SEMA3A: variants seen among roughly 807,000 people sequenced by gnomAD.
SEMA3A encodes semaphorin 3A.
Under a neutral mutation model 97.9 loss-of-function variants are expected in SEMA3A, and 29 were observed. The ratio of observed to expected loss-of-function variants is 0.30; its 90% CI spans 0.22 to 0.40. SEMA3A has a LOEUF of 0.40. SEMA3A is among the 10% of genes least tolerant of loss of function. The pLI, the probability that SEMA3A is intolerant of heterozygous loss-of-function variation, is 1.00. For missense variants in SEMA3A, 763 were observed against 951.3 expected (o/e 0.80, Z 2.60); for synonymous variants, 321 against 323.7 (o/e 0.99, Z 0.09).
Position 84,278,901 on chromosome 7 carries a change from A to G in SEMA3A, c.-83+28306T>C, listed in dbSNP as rs1800373848. On this transcript the variant is annotated intron_variant, in intron 3 of 3. Coordinates refer to the SEMA3A transcript ENST00000424555. ...GGGACACATATCCAAACCATATCAC[A>G]TGTCAAAATGACTAAGGATCTAGCA... 5.3e-5 allele frequency among the ~76,000 whole-genome samples: 8 copies of G among 152,236 alleles called. No homozygotes were observed. The South Asian group carries it at 1.7e-3, about 32-fold the overall frequency.
At chr7:84,473,906 T>A (rs1160659432) in intron 1 of SEMA3A, among the ~76,000 whole-genome samples, 3 of 152,164 alleles carry the variant, frequency 2.0e-5, no homozygotes, top group Non-Finnish European at 4.4e-5. Flanking sequence ...TAGTTCTATT[T>A]TCCATACCTT....
chr7:84,311,313 A>G (rs1801310527), intron 2 of SEMA3A, among the ~76,000 whole-genome samples: 1 of 151,922 alleles, frequency 6.6e-6, no homozygotes, highest in Non-Finnish European at 1.5e-5. Flanking sequence ...TCTAACAAAT[A>G]TACACTTTAT....
At chr7:84,349,997 A>G (rs181215079) in intron 2 of SEMA3A, among the ~76,000 whole-genome samples, 2 of 152,196 alleles carry the variant, frequency 1.3e-5, no homozygotes, top group African/African-American at 4.8e-5. Flanking sequence ...TGGAAAAAAA[A>G]CATCCTCTCT....
chr7:84,130,381 A>G (rs1161499881), intron 2 of SEMA3A, among the ~76,000 whole-genome samples: 1 of 152,130 alleles, frequency 6.6e-6, no homozygotes, highest in East Asian at 1.9e-4. Context: ...GTGTATGATG[A>G]CTTGATAAAT....
intron 1 of SEMA3A, among the ~76,000 whole-genome samples, chr7:84,150,820 C>G (rs1309934537): frequency 6.6e-6 from 1 of 151,990 alleles, no homozygotes; most frequent in Non-Finnish European, 1.5e-5. Flanking sequence ...GCAGTAACCT[C>G]TGCAGACTTA....
chr7:84,048,623 G>A (rs1158761919), intron 5 of SEMA3A, among the ~76,000 whole-genome samples: 3 of 151,672 alleles, frequency 2.0e-5, no homozygotes, highest in South Asian at 2.1e-4. Flanking sequence ...TAAAAAAATC[G>A]AAAAAATTAA....
chr7:84,139,585 T>G (rs1796239558), intron 1 of SEMA3A, among the ~76,000 whole-genome samples: 1 of 152,082 alleles, frequency 6.6e-6, no homozygotes, highest in East Asian at 1.9e-4. Context: ...TAACTGCTAA[T>G]TATTGTCACC....
chr7:84,263,334 G>C (rs1213573551), intron 3 of SEMA3A, among the ~76,000 whole-genome samples: 1 of 152,196 alleles, frequency 6.6e-6, no homozygotes, highest in Non-Finnish European at 1.5e-5. Flanking sequence ...TGTAGGTAGT[G>C]CAGAACACAA....
At chr7:84,167,375 A>C (rs1797245889) in intron 1 of SEMA3A, among the ~76,000 whole-genome samples, 2 of 152,238 alleles carry the variant, frequency 1.3e-5, no homozygotes, top group African/African-American at 4.8e-5. Flanking sequence ...TGGATTAGCT[A>C]TCTCTGGCTA....
intron 2 of SEMA3A, among the ~76,000 whole-genome samples, chr7:84,334,365 T>C (rs1358861107): frequency 6.6e-6 from 1 of 152,164 alleles, no homozygotes; most frequent in Non-Finnish European, 1.5e-5. Flanking sequence ...TGAATTTCAA[T>C]CTAATTTCAT....
rs1790630731 is a variant in SEMA3A, at chr7:84,005,536, C to G, written c.1163G>C (p.Gly388Ala). ...AGGAAGGTCCTTTGTAGAGTCAAAA[C>G]CACCAAATGTTTTGCTGGGACACTA... is the stretch of plus-strand genomic sequence containing the variant. ...PGTCPSKTFG[G>A]FDSTKDLPDD... Residue 388 changes from glycine (G) to alanine (A), a missense_variant, in exon 11 of 17, where the codon GGT becomes GCT. Transcript: ENST00000265362. 2 of 1,613,134 alleles carry G rather than the reference C, an allele frequency of 1.2e-6. No homozygotes were observed. Among genetic ancestry groups the G allele is most frequent in the Non-Finnish European group, 1.7e-6 (2 of 1,179,342 alleles).
At chr7:84,017,013 A>T (rs552822137) in intron 6 of SEMA3A, among the ~76,000 whole-genome samples, 2 of 152,356 alleles carry the variant, frequency 1.3e-5, no homozygotes, top group East Asian at 3.9e-4. Context: ...AAGCAATTAC[A>T]TTCAGTTGCC....
At chr7:84,052,025 G>A (rs1005424038) in intron 5 of SEMA3A, among the ~76,000 whole-genome samples, 34 of 151,890 alleles carry the variant, frequency 2.2e-4, no homozygotes, top group Admixed American at 1.1e-3. Context: ...ATTGATTTGC[G>A]TATATTGAAC....
chr7:84,199,115 C>T (rs946293271), upstream of SEMA3A, among the ~76,000 whole-genome samples: 5 of 152,044 alleles, frequency 3.3e-5, no homozygotes, highest in Non-Finnish European at 5.9e-5. Flanking sequence ...GTGAGATAGC[C>T]GTCTAAGTAC....
chr7:84,475,434 AT>A (rs1806258578), intron 1 of SEMA3A, among the ~76,000 whole-genome samples: 1 of 152,154 alleles, frequency 6.6e-6, no homozygotes, highest in African/African-American at 2.4e-5. Context: ...ATTTCCTTAA[AT>A]TTTTAACATT....
At chr7:84,181,475 GT>G (rs1797736279) in intron 1 of SEMA3A, among the ~76,000 whole-genome samples, 1 of 151,942 alleles carries the variant, frequency 6.6e-6, no homozygotes, top group South Asian at 2.1e-4. Context: ...GGCAAAAGTA[GT>G]TTTTCAGAGA....
chr7:84,477,757 A>C (rs1806334115), intron 1 of SEMA3A, among the ~76,000 whole-genome samples: 1 of 152,304 alleles, frequency 6.6e-6, no homozygotes, highest in African/African-American at 2.4e-5. Context: ...TATCTCTGAG[A>C]GCATCCTCTT....
intron 5 of SEMA3A, among the ~76,000 whole-genome samples, chr7:84,049,424 T>C (rs1792499125): frequency 8.5e-5 from 13 of 152,110 alleles, no homozygotes; most frequent in Admixed American, 8.5e-4. Flanking sequence ...TTTGTTGTTT[T>C]GCCCAAAAAC....
chr7:84,308,716 A>G (rs1801230204), intron 2 of SEMA3A, among the ~76,000 whole-genome samples: 1 of 152,172 alleles, frequency 6.6e-6, no homozygotes, highest in African/African-American at 2.4e-5. Context: ...GATTTTAGGG[A>G]GGAGAAATGG....
Sources: allele counts gnomAD v4.1 joint callset (sites outside exome capture counted in the v4.1 genomes callset), GRCh38; gene constraint gnomAD v4.1.1; transcripts MANE v1.5; gene names NCBI Gene and HGNC (gene_info 2026-07-23, HGNC 2026-07-21).